The following DNTT variants were observed in gnomAD, a reference collection of about 807,000 sequenced individuals.
DNTT encodes nucleosidetriphosphate:DNA deoxynucleotidylexotransferase.
Under a neutral mutation model 60.9 loss-of-function variants are expected in DNTT, and 47 were observed. That is an observed-to-expected ratio of 0.77 (90% CI 0.61 to 0.98). The LOEUF (loss-of-function observed/expected upper bound fraction) is 0.98, where lower values mean the gene tolerates loss of function less well. DNTT is among the 50% of genes least tolerant of loss of function. The pLI is 0.00. For synonymous variants in DNTT, 224 were observed against 221.2 expected, an observed-to-expected ratio of 1.01 and a Z score of -0.11; for missense variants, 665 against 627.5, an observed-to-expected ratio of 1.06 and a Z score of -0.64.
chr10:96,317,176 C>G (rs531310548), intron 1 of DNTT, among the ~76,000 whole-genome samples: 3 of 152,240 alleles, frequency 2.0e-5, no homozygotes, highest in African/African-American at 7.2e-5. Flanking sequence ...TTATTAAAAA[C>G]TAGAAATAAC....
Position 96,304,580 on chromosome 10 carries a change from A to G in DNTT, c.83A>G (p.Gln28Arg). 1 of 1,614,138 alleles carries G rather than the reference A, an allele frequency of 6.2e-7. No individual in the cohort carries two copies. ...GGTGCCTTGATGGCCTCCTCTCCTC[A>G]AGACATCAAATTTCAAGATTTGGTC... ...QTGALMASSP[Q>R]DIKFQDLVVF... The change falls in exon 1 of 11, where the codon CAA becomes CGA. Residue 28 changes from glutamine (Q) to arginine (R), a missense_variant. Coordinates refer to ENST00000371174, the MANE Select transcript of DNTT (RefSeq NM_004088.4).
chr10:96,332,601 G>T lies in DNTT; in HGVS notation c.1359+5G>T. Reference sequence around the variant, plus strand: ...TTGGGATGGACTGGCTCCCGGGTAAGTGCTACATGGACCCATGGGATGATG... The same window carrying T: ...TTGGGATGGACTGGCTCCCGGGTAATTGCTACATGGACCCATGGGATGATG... On this transcript the variant is annotated splice_donor_5th_base_variant and intron_variant, in intron 9 of 10. Transcript: ENST00000371174. The T allele has an allele frequency of 6.2e-7, 1 of 1,613,476 alleles. No homozygotes were observed. Among genetic ancestry groups the T allele is most frequent in the South Asian group, 1.1e-5 (1 of 91,026 alleles).
chr10:96,338,086 A>G lies in DNTT; in HGVS notation c.1444-52A>G, dbSNP rs927937732. 2.0e-6 allele frequency: 3 copies of G among 1,527,006 alleles called. No individual in the cohort carries two copies. The African/African-American group carries it at 4.1e-5, about 21-fold the overall frequency. The allele number at this position is 1,527,006 out of a possible 1,614,324, so 94.6% of individuals were successfully genotyped here. A position where few individuals can be genotyped will look rare whatever the true frequency, so the allele number is the denominator to read the frequency against. On this transcript the variant is annotated intron_variant, in intron 10 of 10. Coordinates refer to ENST00000371174, the MANE Select transcript of DNTT (RefSeq NM_004088.4). ...GTAACACTTTCACTGTGTCCACACCATGGTGCTTATGAAAAATATCTGAAT... is the reference window on the plus strand; with the variant it reads ...GTAACACTTTCACTGTGTCCACACCGTGGTGCTTATGAAAAATATCTGAAT...
intron 10 of DNTT, 111 bp downstream of exon 10, chr10:96,336,085 C>G: frequency 2.9e-6 from 3 of 1,046,072 alleles, no homozygotes; most frequent in East Asian, 2.4e-5. Flanking sequence ...CTTTGTCATG[C>G]GTGTTCTATT....
At chr10:96,317,295 A>C (rs916018638) in intron 1 of DNTT, among the ~76,000 whole-genome samples, 1 of 152,192 alleles carries the variant, frequency 6.6e-6, no homozygotes, top group Admixed American at 6.5e-5. Context: ...TCATTTTTGA[A>C]GTGTGAATGA....
chr10:96,332,614 C>T lies in DNTT; in HGVS notation c.1359+18C>T. 6.2e-7 allele frequency: 1 copy of T among 1,608,128 alleles called. No homozygotes were observed. The highest frequency in any genetic ancestry group is 1.3e-5 in the African/African-American group (1 of 74,372). On this transcript the variant is annotated intron_variant, in intron 9 of 10. Transcript: ENST00000371174. ...GCTCCCGGGTAAGTGCTACATGGAC[C>T]CATGGGATGATGTTAGCTTTCTGAA...
At chr10:96,337,129 C>T (rs1332841925) in intron 10 of DNTT, among the ~76,000 whole-genome samples, 1 of 152,132 alleles carries the variant, frequency 6.6e-6, no homozygotes, top group Non-Finnish European at 1.5e-5. Context: ...TATGGGTGCT[C>T]AGGCAGGCTT....
intron 3 of DNTT, among the ~76,000 whole-genome samples, chr10:96,319,884 A>G (rs1217243127): frequency 6.6e-6 from 1 of 152,232 alleles, no homozygotes; most frequent in African/African-American, 2.4e-5. Flanking sequence ...AAGAAATTGG[A>G]TGGATCATAT....
intron 1 of DNTT, among the ~76,000 whole-genome samples, chr10:96,306,136 C>T (rs924054282): frequency 2.7e-5 from 4 of 148,280 alleles, no homozygotes; most frequent in East Asian, 2.0e-4. Context: ...CTCTGTTGCC[C>T]GGGTTGGAGT....
At position 96,324,360 on chromosome 10, in the gene DNTT, G is replaced by A; in HGVS notation, c.845G>A (p.Ser282Asn). 1 of 1,613,848 alleles carries A rather than the reference G, an allele frequency of 6.2e-7. No homozygotes were observed. Among genetic ancestry groups the A allele is most frequent in the Non-Finnish European group, 8.5e-7 (1 of 1,179,808 alleles). ...CTGAGTAAAGTAAGGTCGGACAAAA[G>A]CCTGAAATTTACACGAATGCAGAAA... ...RTLSKVRSDK[S>N]LKFTRMQKAG... Residue 282 changes from serine to asparagine, a missense_variant, in exon 6 of 11, where the codon AGC becomes AAC. Transcript: ENST00000371174.
chr10:96,337,097 G>A (rs73320774), intron 10 of DNTT, among the ~76,000 whole-genome samples: 2,156 of 152,232 alleles, frequency 0.014, 65 homozygotes, highest in African/African-American at 0.047. Flanking sequence ...CTGCAATGTC[G>A]AAGCGTTCAG....
At chr10:96,324,868 T>C (rs1844922109) in intron 6 of DNTT, among the ~76,000 whole-genome samples, 1 of 152,214 alleles carries the variant, frequency 6.6e-6, no homozygotes, top group Non-Finnish European at 1.5e-5. Context: ...TGAACAGAGT[T>C]GTTGCCTGGC....
rs540636803 is a variant in DNTT, at chr10:96,319,206, A to G, written c.379-56A>G. ...AACTACTTCCAAATTTTTTCCGTAC[A>G]TATCTGTTATTACTATTAATTTTTA... On this transcript the variant is annotated intron_variant, in intron 2 of 10. Coordinates refer to ENST00000371174, the MANE Select transcript of DNTT (RefSeq NM_004088.4). 7 of 1,578,926 alleles carry G rather than the reference A, an allele frequency of 4.4e-6. No homozygotes were observed. In the Admixed American group the frequency reaches 8.7e-5, roughly 20 times the overall value.
chr10:96,328,967 T>C, intron 8 of DNTT, 137 bp downstream of exon 8: 1 of 840,054 alleles, frequency 1.2e-6, no homozygotes. Flanking sequence ...TACAAAGCCA[T>C]ATGACCTACA....
intron 6 of DNTT, among the ~76,000 whole-genome samples, chr10:96,324,701 C>T (rs1392116904): frequency 6.6e-6 from 1 of 152,366 alleles, no homozygotes. Context: ...GCGCCCTCCA[C>T]TGTGGCTGTT....
intron 8 of DNTT, among the ~76,000 whole-genome samples, 157 bp from the exon 9 acceptor site, chr10:96,332,194 T>C (rs1312434779): frequency 6.6e-6 from 1 of 152,228 alleles, no homozygotes; most frequent in African/African-American, 2.4e-5. Context: ...ACTTTCTTAG[T>C]GTTTTCTCCT....
In DNTT at chr10:96,324,265, G is replaced by A. The variant is rs907294731; in HGVS notation, c.751-1G>A. 2 of 1,611,958 alleles carry A rather than the reference G, an allele frequency of 1.2e-6. No individual in the cohort carries two copies. The highest frequency in any genetic ancestry group is 1.7e-6 in the Non-Finnish European group (2 of 1,178,554). On this transcript the variant is annotated splice_acceptor_variant, in intron 5 of 10. Transcript: ENST00000371174. LOFTEE classifies it high-confidence loss of function. ...ATGGCATGCCTTTCCCTCCATTTTA[G>A]CTCTTTACTTCTGTATTTGGAGTGG...
rs373780354 is a variant in DNTT, at chr10:96,318,495, C to T, written c.347C>T (p.Pro116Leu). The T allele has an allele frequency of 3.5e-5, 57 of 1,613,394 alleles. No homozygotes were observed. The highest frequency in any genetic ancestry group is 2.2e-4 in the South Asian group (20 of 90,956). ...WLIECIRAGKPVEMTGKHQLV... is the reference protein window; with the variant it reads ...WLIECIRAGKLVEMTGKHQLV... ...ATCGAATGCATAAGAGCAGGGAAACCGGTGGAAATGACAGGAAAACACCAG... is the reference window on the plus strand; with the variant it reads ...ATCGAATGCATAAGAGCAGGGAAACTGGTGGAAATGACAGGAAAACACCAG... The change falls in exon 2 of 11, where the codon CCG (proline) becomes CTG (leucine). Residue 116 changes from proline (P) to leucine (L), a missense_variant. Physicochemically the swap from Pro to Leu is moderately conservative, Grantham distance 98. Transcript: ENST00000371174.
In DNTT at chr10:96,338,329, T is replaced by C. The variant is rs887695877; in HGVS notation, c.*105T>C. The C allele has an allele frequency of 5.9e-6, 6 of 1,008,620 alleles. No homozygotes were observed. The highest frequency in any genetic ancestry group is 2.6e-5 in the East Asian group (1 of 38,292). 62.5% of individuals were successfully genotyped at this position (1,008,620 alleles called of 1,614,324 possible). On this transcript the variant is annotated 3_prime_UTR_variant, in exon 11 of 11. Transcript: ENST00000371174. ...AGAGTTTGGGGTTATTTAGGTCTTA[T>C]TGAAATGCAGATTGCTACTAGAAAT...
Sources: allele counts gnomAD v4.1 joint callset (sites outside exome capture counted in the v4.1 genomes callset), GRCh38; gene constraint gnomAD v4.1.1; transcripts MANE v1.5; gene names NCBI Gene and HGNC (gene_info 2026-07-23, HGNC 2026-07-21).